BMP6: variants seen among roughly 807,000 people sequenced by gnomAD.
The protein encoded by BMP6 is bone morphogenetic protein 6.
A neutral mutation model predicts 54.1 loss-of-function variants in BMP6; 17 were observed. That is an observed-to-expected ratio of 0.31 (90% CI 0.22 to 0.47). The LOEUF is 0.47. Ranked by LOEUF, BMP6 falls within the 20% of genes least tolerant of loss-of-function variation. The pLI is 1.00. For synonymous variants in BMP6, 328 were observed against 291.2 expected (o/e 1.13, Z -1.28); for missense variants, 720 against 690.4 (o/e 1.04, Z -0.48).
chr6:7,865,709 C>T (rs563869955), intron 4 of BMP6, among the ~76,000 whole-genome samples: 4 of 152,200 alleles, frequency 2.6e-5, no homozygotes, highest in Admixed American at 6.5e-5. Context: ...TGTACTCTGG[C>T]GTGACTGCAG....
At chr6:7,787,124 G>A (rs756387201) in intron 1 of BMP6, among the ~76,000 whole-genome samples, 4 of 152,196 alleles carry the variant, frequency 2.6e-5, no homozygotes, top group Non-Finnish European at 5.9e-5. Context: ...CAATTGAAGA[G>A]GGCAGTATCA....
At chr6:7,844,333 C>A (rs970179750) in intron 1 of BMP6, among the ~76,000 whole-genome samples, 3 of 136,474 alleles carry the variant, frequency 2.2e-5, no homozygotes, top group African/African-American at 8.4e-5. Flanking sequence ...AGATTCTATC[C>A]TTTCCCCCCA....
chr6:7,851,105 C>G (rs1759135420), intron 2 of BMP6, among the ~76,000 whole-genome samples: 1 of 152,172 alleles, frequency 6.6e-6, no homozygotes, highest in Admixed American at 6.5e-5. Flanking sequence ...TGGCCCTTCA[C>G]ATTCCCATGT....
rs771802408 is a variant in BMP6 at position 7,880,352 on chromosome 6, C to T, written c.*9C>T. On this transcript the variant is annotated 3_prime_UTR_variant, in exon 7 of 7. Transcript: ENST00000283147. Reference sequence around the variant, plus strand: ...CTTGTGGATGCCACTAACTCGAAACCAGATGCTGGGGACACACATTCTGCC... The same window carrying T: ...CTTGTGGATGCCACTAACTCGAAACTAGATGCTGGGGACACACATTCTGCC... 72 of 1,613,776 alleles carry T rather than the reference C, an allele frequency of 4.5e-5. No individual in the cohort carries two copies. Among genetic ancestry groups the T allele is most frequent in the Middle Eastern group, 1.6e-4 (1 of 6,078 alleles).
At chr6:7,842,821 T>C (rs1396147808) in intron 1 of BMP6, among the ~76,000 whole-genome samples, 1 of 152,252 alleles carries the variant, frequency 6.6e-6, no homozygotes, top group Non-Finnish European at 1.5e-5. Context: ...TACTGTCTTA[T>C]GTCTTATTTC....
rs571092126 is a variant in BMP6, at chr6:7,848,945, C to A, written c.857+3613C>A. Among the ~76,000 whole-genome samples, 6 of 152,258 alleles carry A rather than the reference C, an allele frequency of 3.9e-5. No individual in the cohort carries two copies. The East Asian group carries it at 1.2e-3, about 29-fold the overall frequency. ...TTTTCTCATTAGGGTTTTACCATGA[C>A]CTTATCAGATAGACAGGGCAGGCAT... On this transcript the variant is annotated intron_variant, in intron 2 of 6. Transcript: ENST00000283147.
chr6:7,819,239 A>C (rs1409452186), intron 1 of BMP6, among the ~76,000 whole-genome samples: 3 of 152,186 alleles, frequency 2.0e-5, no homozygotes, highest in African/African-American at 7.2e-5. Flanking sequence ...AATTTGTCCT[A>C]GTCTTACCAG....
At chr6:7,850,777 C>T (rs1251227629) in intron 2 of BMP6, among the ~76,000 whole-genome samples, 2 of 152,164 alleles carry the variant, frequency 1.3e-5, no homozygotes, top group Admixed American at 1.3e-4. Context: ...AGCTAAACTA[C>T]AGTAGGAGAT....
intron 1 of BMP6, among the ~76,000 whole-genome samples, chr6:7,825,133 AT>A (rs1325509989): frequency 6.6e-6 from 1 of 152,208 alleles, no homozygotes; most frequent in Non-Finnish European, 1.5e-5. Flanking sequence ...TCTCGGCAAC[AT>A]TGTGAGACCC....
chr6:7,804,944 C>G (rs1758327153), intron 1 of BMP6, among the ~76,000 whole-genome samples: 1 of 152,056 alleles, frequency 6.6e-6, no homozygotes, highest in Non-Finnish European at 1.5e-5. Context: ...GAAATAATCT[C>G]CCACTTTCCA....
chr6:7,855,549 CTCTCTTTTTTTTTTTTT>C (rs1759212956), intron 2 of BMP6, among the ~76,000 whole-genome samples: 1 of 115,282 alleles, frequency 8.7e-6, no homozygotes, highest in Admixed American at 9.3e-5. Context: ...CTCTCTCTCT[CTCTCTTTTTTTTTTTTT>C]TTTTTTTTTT....
At chr6:7,762,911 C>T (rs115131933) in intron 1 of BMP6, among the ~76,000 whole-genome samples, 260 of 152,312 alleles carry the variant, frequency 1.7e-3, no homozygotes, top group African/African-American at 6.0e-3. Context: ...AGCTGAAGTC[C>T]GTTTTGCAAT....
rs1446653476 is a variant in BMP6 at position 7,771,611 on chromosome 6, T to A, written c.664+43992T>A. Among the ~76,000 whole-genome samples, 4 of 152,140 alleles carry A rather than the reference T, an allele frequency of 2.6e-5. No individual in the cohort carries two copies. In the East Asian group the frequency reaches 7.7e-4, roughly 29 times the overall value. On this transcript the variant is annotated intron_variant, in intron 1 of 6. Coordinates refer to ENST00000283147, the MANE Select transcript of BMP6 (RefSeq NM_001718.6). ...CCAGGCATATTGACCCCACAGCCTG[T>A]GTTGAGGTTTCATGGTCGTATTTGC...
At chr6:7,800,908 G>T (rs899173982) in intron 1 of BMP6, among the ~76,000 whole-genome samples, 2 of 141,110 alleles carry the variant, frequency 1.4e-5, no homozygotes, top group African/African-American at 5.6e-5. Flanking sequence ...AATAAAGCGG[G>T]GGGAGGGGGG....
intron 1 of BMP6, among the ~76,000 whole-genome samples, chr6:7,752,929 C>T (rs73379789): frequency 1.3e-5 from 2 of 152,014 alleles, no homozygotes; most frequent in Admixed American, 6.5e-5. Context: ...AACACCTACA[C>T]CTAGCCTCCA....
chr6:7,849,510 T>C (rs1437826043), intron 2 of BMP6, among the ~76,000 whole-genome samples: 2 of 152,214 alleles, frequency 1.3e-5, no homozygotes, highest in Non-Finnish European at 2.9e-5. Context: ...CATAGTCACC[T>C]ATGGTAGCAT....
intron 1 of BMP6, among the ~76,000 whole-genome samples, chr6:7,755,996 C>G (rs529856958): frequency 6.6e-6 from 1 of 151,862 alleles, no homozygotes; most frequent in South Asian, 2.1e-4. Flanking sequence ...TATCATGTGC[C>G]TTGGTGTTGT....
In BMP6 at chr6:7,799,372, A is replaced by G. The variant is rs12664408; in HGVS notation, c.665-45768A>G. 3.1e-4 allele frequency among the ~76,000 whole-genome samples: 47 copies of G among 152,338 alleles called. No homozygotes were observed. The East Asian group carries it at 5.6e-3, about 18-fold the overall frequency. On this transcript the variant is annotated intron_variant, in intron 1 of 6. Coordinates refer to ENST00000283147, the MANE Select transcript of BMP6 (RefSeq NM_001718.6). ...TAATTCTGTATAAAGTAGAATTCAG[A>G]AAACTGCTAGTCACTTGGATTAATT...
chr6:7,780,442 G>A (rs1026286905), intron 1 of BMP6, among the ~76,000 whole-genome samples: 2 of 151,830 alleles, frequency 1.3e-5, no homozygotes, highest in South Asian at 2.1e-4. Flanking sequence ...CCAGCTGCTC[G>A]GGAGGCTGAG....
Sources: allele counts gnomAD v4.1 joint callset (sites outside exome capture counted in the v4.1 genomes callset), GRCh38; gene constraint gnomAD v4.1.1; transcripts MANE v1.5; gene names NCBI Gene and HGNC (gene_info 2026-07-23, HGNC 2026-07-21).